SLC29A3: variants seen among roughly 807,000 people sequenced by gnomAD.
SLC29A3 encodes the protein equilibrative nucleoside transporter 3.
SLC29A3 carries 18 observed loss-of-function variants against 25.4 expected under a neutral mutation model. The ratio of observed to expected loss-of-function variants is 0.71; its 90% CI spans 0.49 to 1.05. SLC29A3 has a LOEUF of 1.05. Among genes scored for constraint, SLC29A3 ranks in the 50% least tolerant of loss-of-function variants. The probability of loss-of-function intolerance (pLI) is 0.00; values close to 1 mark genes in which losing one functional copy is unlikely to be tolerated. For synonymous variants in SLC29A3, 258 were observed against 267.1 expected (o/e 0.97, Z 0.33); for missense variants, 586 against 609.0 (o/e 0.96, Z 0.40).
chr10:71,322,613 C>A, intron 1 of SLC29A3, 143 bp from the exon 2 acceptor site: 1 of 941,738 alleles, frequency 1.1e-6, no homozygotes, highest in Non-Finnish European at 1.7e-6. Context: ...TAAAATGAAG[C>A]TCTCCAACCA....
chr10:71,347,186 C>T (rs1295002373), intron 3 of SLC29A3, among the ~76,000 whole-genome samples: 2 of 152,136 alleles, frequency 1.3e-5, no homozygotes, highest in Admixed American at 6.5e-5. Flanking sequence ...GTGGCTTTCC[C>T]GACTGGCTTA....
chr10:71,344,160 A>G lies in SLC29A3; in HGVS notation c.301-49A>G, dbSNP rs748164293. 2.1e-6 allele frequency: 3 copies of G among 1,445,582 alleles called. No homozygotes were observed. The South Asian group carries it at 3.4e-5, about 16-fold the overall frequency. The allele number at this position is 1,445,582 out of a possible 1,614,324, so 89.5% of individuals were successfully genotyped here. A position where few individuals can be genotyped will look rare whatever the true frequency, so the allele number is the denominator to read the frequency against. On this transcript the variant is annotated intron_variant, in intron 2 of 5. Transcript: ENST00000373189. Reference sequence around the variant, plus strand: ...TGTCTCTGCTCGCGTGGAACTGCTCACCTCCATCCCTGAGTGACCGCAGCA... The same window carrying G: ...TGTCTCTGCTCGCGTGGAACTGCTCGCCTCCATCCCTGAGTGACCGCAGCA...
chr10:71,363,766 C>T (rs1016971201), downstream of SLC29A3, among the ~76,000 whole-genome samples: 1 of 150,454 alleles, frequency 6.6e-6, no homozygotes, highest in African/African-American at 2.4e-5. Flanking sequence ...AGCCACTGTG[C>T]CCAGCCTAAT....
Position 71,356,162 on chromosome 10 carries a change from T to C in SLC29A3, c.692T>C (p.Leu231Pro), listed in dbSNP as rs747893037. The stretch of plus-strand genomic sequence containing the variant: ...TCCAGTGATGTGAGGAACAGCGCCC[T>C]GGCCTTCTTCCTGACGGCCACTGTC... ...AASSDVRNSALAFFLTATVFL... is the reference protein window; with the variant it reads ...AASSDVRNSAPAFFLTATVFL... Residue 231 changes from leucine to proline, a missense_variant, in exon 5 of 6, where the codon CTG becomes CCG. By Grantham distance (98) the Leu-to-Pro change is moderately conservative. Transcript: ENST00000373189. 1 of 1,614,174 alleles carries C rather than the reference T, an allele frequency of 6.2e-7. No individual in the cohort carries two copies.
intron 2 of SLC29A3, among the ~76,000 whole-genome samples, chr10:71,326,568 G>A (rs532163862): frequency 2.4e-4 from 37 of 152,290 alleles, no homozygotes; most frequent in African/African-American, 7.2e-4. Context: ...TGTCTCGGCC[G>A]GCACAGAGCT....
At position 71,351,700 on chromosome 10, in the gene SLC29A3, C is replaced by A. The variant is rs750458667; in HGVS notation, c.522C>A (p.Ile174=). Residue 174 remains isoleucine (I), a synonymous_variant, in exon 4 of 6, where the codon ATC becomes ATA. Coordinates refer to ENST00000373189, the MANE Select transcript of SLC29A3 (RefSeq NM_018344.6). The stretch of plus-strand genomic sequence containing the variant: ...CGGTCACCATTGTCTGCATGGTGAT[C>A]CTCAGCGGTGCCTCCACTGTCTTCA... ...FFAVTIVCMV[I]LSGASTVFSS... is the part of the protein sequence containing the mutation. The A allele has an allele frequency of 6.2e-7, 1 of 1,614,062 alleles. No homozygotes were observed. The highest frequency in any genetic ancestry group is 1.3e-5 in the African/African-American group (1 of 74,924).
intron 3 of SLC29A3, among the ~76,000 whole-genome samples, chr10:71,373,862 G>C (rs1564546876): frequency 1.3e-5 from 2 of 152,228 alleles, no homozygotes; most frequent in Admixed American, 6.5e-5. Flanking sequence ...CTGGGTGCAA[G>C]GAATGGCTGT....
At chr10:71,325,939 C>G (rs1845955473) in intron 2 of SLC29A3, among the ~76,000 whole-genome samples, 1 of 123,638 alleles carries the variant, frequency 8.1e-6, no homozygotes, top group Non-Finnish European at 1.7e-5. Context: ...TTTTTTGAGA[C>G]AGGGTCTTGC....
chr10:71,352,098 G>A (rs1846781668), intron 4 of SLC29A3, among the ~76,000 whole-genome samples: 2 of 152,154 alleles, frequency 1.3e-5, no homozygotes, highest in South Asian at 4.1e-4. Flanking sequence ...AGTGGCTGCT[G>A]GCTGGAAGCT....
At chr10:71,338,205 G>A (rs1038699767) in intron 2 of SLC29A3, among the ~76,000 whole-genome samples, 1 of 152,248 alleles carries the variant, frequency 6.6e-6, no homozygotes, top group African/African-American at 2.4e-5. Context: ...CGAGAGCTTG[G>A]AAGCCTGCCC....
chr10:71,321,589 C>A (rs76606182), intron 1 of SLC29A3, among the ~76,000 whole-genome samples: 3,490 of 152,278 alleles, frequency 0.023, 62 homozygotes, highest in East Asian at 0.056. Flanking sequence ...TGCGACAGGC[C>A]CAGGATGCCA....
At position 71,322,899 on chromosome 10, in the gene SLC29A3, C is replaced by T. The variant is rs199619817; in HGVS notation, c.145C>T (p.Arg49Cys). 7.3e-5 allele frequency: 118 copies of T among 1,614,240 alleles called. No individual in the cohort carries two copies. In the East Asian group the frequency reaches 1.7e-3, roughly 23 times the overall value. Reference protein sequence around the residue: ...PPPGLQRPEDRFCGTYIIFFS... With the variant: ...PPPGLQRPEDCFCGTYIIFFS... ...CCCTGGCCTGCAGAGGCCCGAGGAC[C>T]GCTTCTGTGGCACATACATCATCTT... The change falls in exon 2 of 6, where the codon CGC becomes TGC. Residue 49 changes from arginine to cysteine, a missense_variant. Transcript: ENST00000373189.
At chr10:71,335,772 A>AT (rs1245415841) in intron 2 of SLC29A3, among the ~76,000 whole-genome samples, 1 of 151,850 alleles carries the variant, frequency 6.6e-6, no homozygotes, top group Non-Finnish European at 1.5e-5. Context: ...GCTCAGCAGG[A>AT]CCCCCAAGCG....
rs1356382463 is a variant in SLC29A3 at position 71,362,162 on chromosome 10, A to G, written c.982A>G (p.Thr328Ala). Residue 328 changes from threonine to alanine, a missense_variant, in exon 6 of 6, where the codon ACC (threonine) becomes GCC (alanine). Thr to Ala is a moderately conservative substitution (Grantham distance 58). Coordinates refer to ENST00000373189, the MANE Select transcript of SLC29A3 (RefSeq NM_018344.6). ...ITSLIYPAIC[T>A]NIESLNKGSG... Reference sequence around the variant, plus strand: ...CAGCCTCATCTACCCCGCCATCTGCACCAACATCGAGTCCCTCAACAAGGG... The same window carrying G: ...CAGCCTCATCTACCCCGCCATCTGCGCCAACATCGAGTCCCTCAACAAGGG... The G allele has an allele frequency of 6.2e-7, 1 of 1,613,970 alleles. No individual in the cohort carries two copies. Among genetic ancestry groups the G allele is most frequent in the East Asian group, 2.2e-5 (1 of 44,870 alleles).
chr10:71,326,895 G>A (rs980336137), intron 2 of SLC29A3, among the ~76,000 whole-genome samples: 1 of 152,210 alleles, frequency 6.6e-6, no homozygotes, highest in East Asian at 1.9e-4. Context: ...TGGGAAGCGA[G>A]CATGCTGAGG....
chr10:71,372,437 G>T (rs1322522157), intron 3 of SLC29A3, among the ~76,000 whole-genome samples: 4 of 152,174 alleles, frequency 2.6e-5, no homozygotes. Flanking sequence ...AGAATCACCT[G>T]GAGCACTTGG....
rs1408160737 is a variant in SLC29A3, at chr10:71,362,874, G to A, written c.*266G>A. On this transcript the variant is annotated 3_prime_UTR_variant, in exon 6 of 6. Coordinates refer to ENST00000373189, the MANE Select transcript of SLC29A3 (RefSeq NM_018344.6). ...AATCAGGGGTACTCCCTTCACAGCTGATGGTTAACATTCCACCTTCTTTCT... is the reference window on the plus strand; with the variant it reads ...AATCAGGGGTACTCCCTTCACAGCTAATGGTTAACATTCCACCTTCTTTCT... 1.5e-6 allele frequency: 1 copy of A among 648,784 alleles called. No individual in the cohort carries two copies. The highest frequency in any genetic ancestry group is 3.1e-5 in the East Asian group (1 of 32,260). 40.2% of individuals were successfully genotyped at this position (648,784 alleles called of 1,614,324 possible). A position where few individuals can be genotyped will look rare whatever the true frequency, so the allele number is the denominator to read the frequency against.
intron 3 of SLC29A3, among the ~76,000 whole-genome samples, chr10:71,369,359 TGA>T (rs1847193948): frequency 6.6e-6 from 1 of 152,212 alleles, no homozygotes; most frequent in Non-Finnish European, 1.5e-5. Flanking sequence ...AGGTAGAACT[TGA>T]GAGTGATGAA....
chr10:71,332,660 G>A (rs781685792), intron 2 of SLC29A3, among the ~76,000 whole-genome samples: 20 of 152,094 alleles, frequency 1.3e-4, no homozygotes, highest in Admixed American at 2.0e-4. Flanking sequence ...TTTGGCTGGC[G>A]TGGATGACTG....
Sources: gnomAD v4.1 joint callset for allele counts (sites outside exome capture counted in the v4.1 genomes callset) on GRCh38, gnomAD v4.1.1 for gene constraint, MANE v1.5 for transcripts, NCBI Gene and HGNC (gene_info 2026-07-23, HGNC 2026-07-21) for gene names.